Variants in TNPO2 observed in about 807,000 individuals in gnomAD.
The protein encoded by TNPO2 is transportin 2.
A neutral mutation model predicts 111.1 loss-of-function variants in TNPO2; 16 were observed. The ratio of observed to expected loss-of-function variants is 0.14; its 90% CI spans 0.10 to 0.22. The LOEUF is 0.22. Ranked by LOEUF, TNPO2 falls within the 10% of genes least tolerant of loss-of-function variation. TNPO2 has a pLI of 1.00. For missense variants in TNPO2, 530 were observed against 1,173.7 expected (o/e 0.45, Z 8.01); for synonymous variants, 481 against 475.8 (o/e 1.01, Z -0.14).
In TNPO2 at chr19:12,701,847, T is replaced by C; in HGVS notation, c.2416A>G (p.Thr806Ala). The change falls in exon 23 of 26, where the codon ACG becomes GCG. Residue 806 changes from threonine to alanine, a missense_variant. Coordinates refer to ENST00000425528, the MANE Select transcript of TNPO2 (RefSeq NM_001382241.1). The surrounding 1 kb of genome is among the most constrained non-coding windows in gnomAD (Gnocchi z 5.0). ...MLQQFIRPWC[T>A]SLRNIRDNEE... ...TTGTCCCTGATGTTCCTGAGGGACG[T>C]GCACCTGTGGGAAGGTGAGCAGCTG... The C allele has an allele frequency of 6.2e-7, 1 of 1,612,490 alleles. No individual in the cohort carries two copies. Among genetic ancestry groups the C allele is most frequent in the South Asian group, 1.1e-5 (1 of 91,060 alleles).
rs2025283617 is a variant in TNPO2, at chr19:12,701,320, C to T, written c.*20+6G>A. The stretch of plus-strand genomic sequence containing the variant: ...AGTGCTGACTTGCCAGCTGCAGTCT[C>T]CTTACCTGGCAGTCTCCATGATCAC... On this transcript the variant is annotated splice_donor_region_variant and intron_variant, in intron 25 of 25. Coordinates refer to ENST00000425528, the MANE Select transcript of TNPO2 (RefSeq NM_001382241.1). The surrounding 1 kb of genome is among the most constrained non-coding windows in gnomAD (Gnocchi z 5.0). 6.3e-7 allele frequency: 1 copy of T among 1,593,798 alleles called. No homozygotes were observed. Among genetic ancestry groups the T allele is most frequent in the African/African-American group, 1.3e-5 (1 of 74,334 alleles).
At position 12,700,743 on chromosome 19, in the gene TNPO2, G is replaced by A. The variant is rs908630248; in HGVS notation, c.*521C>T. ...ATGCAGGTTACACGGAAGGCCTTAC[G>A]GGTTAACTCAGGGGTTCACTAATTC... On this transcript the variant is annotated 3_prime_UTR_variant, in exon 26 of 26. Transcript: ENST00000425528. 4 of 150,408 alleles carry A rather than the reference G, an allele frequency of 2.7e-5. No individual in the cohort carries two copies. Among genetic ancestry groups the A allele is most frequent in the African/African-American group, 7.4e-5 (3 of 40,738 alleles). 9.3% of individuals were successfully genotyped at this position (150,408 alleles called of 1,614,324 possible).
At chr19:12,713,549 G>A (rs543517394) in intron 10 of TNPO2, among the ~76,000 whole-genome samples, 114 of 152,012 alleles carry the variant, frequency 7.5e-4, no homozygotes, top group African/African-American at 1.5e-3. Context: ...GGTGACTCAC[G>A]CCTGTAATCC....
In TNPO2 at chr19:12,706,493, A is replaced by G. The variant is rs2025677160; in HGVS notation, c.1496+77T>C. On this transcript the variant is annotated intron_variant, in intron 14 of 25. Transcript: ENST00000425528. The surrounding 1 kb of genome is among the most constrained non-coding windows in gnomAD (Gnocchi z 7.0). ...TACGCGATAAATCAGTTCCACATCA[A>G]CAGTCACAGGTGTCATCACTTCCCA... 1.9e-6 allele frequency: 3 copies of G among 1,575,240 alleles called. No individual in the cohort carries two copies. Among genetic ancestry groups the G allele is most frequent in the Non-Finnish European group, 2.6e-6 (3 of 1,145,640 alleles).
In TNPO2 at chr19:12,715,826, CTT is replaced by C; in HGVS notation, c.326-89_326-88del. 1 of 1,065,154 alleles carries C rather than the reference CTT, an allele frequency of 9.4e-7. No homozygotes were observed. Among genetic ancestry groups the C allele is most frequent in the Non-Finnish European group, 1.4e-6 (1 of 724,196 alleles). 66.0% of individuals were successfully genotyped at this position (1,065,154 alleles called of 1,614,324 possible). A position where few individuals can be genotyped will look rare whatever the true frequency, so the allele number is the denominator to read the frequency against. On this transcript the variant is annotated intron_variant, in intron 5 of 25. Transcript: ENST00000425528. This position sits in a 1 kb window ranked among gnomAD's most constrained non-coding sequence, Gnocchi z 7.1. ...TCCCACTGGACACCCCCAGTGCTGC[CTT>C]TCTGTTCCCTAGCCCATGTACGCCC...
In TNPO2 at chr19:12,715,865, C is replaced by G. The variant is rs1211209195; in HGVS notation, c.326-126G>C. The G allele has an allele frequency of 2.8e-6, 2 of 710,558 alleles. No homozygotes were observed. Among genetic ancestry groups the G allele is most frequent in the Middle Eastern group, 3.5e-4 (1 of 2,852 alleles). The allele number at this position is 710,558 out of a possible 1,614,324, so 44.0% of individuals were successfully genotyped here. On this transcript the variant is annotated intron_variant, in intron 5 of 25. Coordinates refer to ENST00000425528, the MANE Select transcript of TNPO2 (RefSeq NM_001382241.1). The surrounding 1 kb of genome is among the most constrained non-coding windows in gnomAD (Gnocchi z 7.1). ...GCCCATGTACGCCCTCTACATCCCC[C>G]CTCCTTTTTTTTTTCTTTGTAAGAG...
In TNPO2 at chr19:12,721,191, C is replaced by T; in HGVS notation, c.-13-201G>A. 1.4e-6 allele frequency: 2 copies of T among 1,382,486 alleles called. No individual in the cohort carries two copies. Among genetic ancestry groups the T allele is most frequent in the African/African-American group, 1.5e-5 (1 of 64,764 alleles). The allele number at this position is 1,382,486 out of a possible 1,614,324, so 85.6% of individuals were successfully genotyped here. On this transcript the variant is annotated intron_variant, in intron 2 of 25. Coordinates refer to ENST00000425528, the MANE Select transcript of TNPO2 (RefSeq NM_001382241.1). This position sits in a 1 kb window ranked among gnomAD's most constrained non-coding sequence, Gnocchi z 4.9. ...GGCCGCGCAGTCGCGGGCTCGGGAG[C>T]GCGGGAGGGGGGATGTGGAAACGGG... is the stretch of plus-strand genomic sequence containing the variant.
In TNPO2 at chr19:12,712,957, C is replaced by T. The variant is rs554949785; in HGVS notation, c.891-1344G>A. ...CTGGAGTGCACTGGTGCGATCACAG[C>T]TCACCACAGCCTCATGCTCCTGGGC... On this transcript the variant is annotated intron_variant, in intron 10 of 25. Transcript: ENST00000425528. Among the ~76,000 whole-genome samples, 146 of 152,316 alleles carry T rather than the reference C, an allele frequency of 9.6e-4. 1 individual carries two copies. The highest frequency in any genetic ancestry group is 3.3e-3 in the African/African-American group (139 of 41,578).
Position 12,705,997 on chromosome 19 carries a change from G to A in TNPO2, c.1668+199C>T. 1.7e-6 allele frequency: 1 copy of A among 596,130 alleles called. No homozygotes were observed. The highest frequency in any genetic ancestry group is 2.8e-6 in the Non-Finnish European group (1 of 356,552). The allele number at this position is 596,130 out of a possible 1,614,324, so 36.9% of individuals were successfully genotyped here. ...GGGTTACCACCTCCTGGTTCCCGAA[G>A]CACAGCACTTACCACGCTGTCTCAT... On this transcript the variant is annotated intron_variant, in intron 15 of 25. Coordinates refer to ENST00000425528, the MANE Select transcript of TNPO2 (RefSeq NM_001382241.1). This position sits in a 1 kb window ranked among gnomAD's most constrained non-coding sequence, Gnocchi z 7.2.
Position 12,720,963 on chromosome 19 carries a change from T to C in TNPO2, c.15A>G (p.Pro5=). The C allele has an allele frequency of 1.9e-6, 3 of 1,589,256 alleles. No individual in the cohort carries two copies. Residue 5 remains proline (P), a synonymous_variant, in exon 3 of 26, where the codon CCA becomes CCG. Transcript: ENST00000425528. MDWQ[P]DEQGLQQVLQ... ...GGACCTGCTGCAGGCCCTGCTCGTC[T>C]GGCTGCCAGTCCATGGCGCAAGGCA...
Position 12,719,283 on chromosome 19 carries a change from G to T in TNPO2, c.153C>A (p.Val51=). ...TACCTTCTGACTTGAGTCTGGTCAGGACGAAAATCAGGTAGTTGTTGAAGT... is the reference window on the plus strand; with the variant it reads ...TACCTTCTGACTTGAGTCTGGTCAGTACGAAAATCAGGTAGTTGTTGAAGT... ...FPDFNNYLIF[V]LTRLKSEDEP... Residue 51 remains valine, a synonymous_variant, in exon 4 of 26, where the codon GTC becomes GTA. Coordinates refer to ENST00000425528, the MANE Select transcript of TNPO2 (RefSeq NM_001382241.1). The surrounding 1 kb of genome is among the most constrained non-coding windows in gnomAD (Gnocchi z 5.0). 6.2e-7 allele frequency: 1 copy of T among 1,613,958 alleles called. No homozygotes were observed. Among genetic ancestry groups the T allele is most frequent in the Non-Finnish European group, 8.5e-7 (1 of 1,179,872 alleles).
chr19:12,722,111 C>T (rs1020915022), intron 2 of TNPO2: 1 of 145,940 alleles, frequency 6.9e-6, no homozygotes, highest in African/African-American at 2.5e-5. Context: ...CCAAGCCCCA[C>T]CGAAACAGGC....
Position 12,706,189 on chromosome 19 carries a change from G to A in TNPO2, c.1668+7C>T, listed in dbSNP as rs202211498. 3 of 1,613,038 alleles carry A rather than the reference G, an allele frequency of 1.9e-6. No homozygotes were observed. Among genetic ancestry groups the A allele is most frequent in the Non-Finnish European group, 2.5e-6 (3 of 1,179,584 alleles). ...ATCGGGAGGCGGGAGCCGCTCTGGG[G>A]TCTCACCGGCTGGTTGAGGTGGTGG... On this transcript the variant is annotated splice_region_variant and intron_variant, in intron 15 of 25. Transcript: ENST00000425528. This position sits in a 1 kb window ranked among gnomAD's most constrained non-coding sequence, Gnocchi z 7.0.
rs377133692 is a variant in TNPO2, at chr19:12,715,603, C to T, written c.432+30G>A. On this transcript the variant is annotated intron_variant, in intron 6 of 25. Transcript: ENST00000425528. The surrounding 1 kb of genome is among the most constrained non-coding windows in gnomAD (Gnocchi z 7.1). ...GTGGTGGTCCCAGCCCCCCAGTACT[C>T]GCTCTGGCCATCCATGGCTTCTTGC... 11 of 1,613,524 alleles carry T rather than the reference C, an allele frequency of 6.8e-6. No individual in the cohort carries two copies. The highest frequency in any genetic ancestry group is 4.4e-5 in the South Asian group (4 of 91,042).
intron 12 of TNPO2, 106 bp downstream of exon 12, chr19:12,711,190 G>T: frequency 6.8e-7 from 1 of 1,472,328 alleles, no homozygotes; most frequent in Non-Finnish European, 9.2e-7. Context: ...CACTGCGCCC[G>T]GCCACGATCA....
At chr19:12,703,167 C>A in intron 20 of TNPO2, 1 of 584,190 alleles carries the variant, frequency 1.7e-6, no homozygotes, top group East Asian at 2.8e-5. Flanking sequence ...CTGCCCAAGT[C>A]AAAGGAAAAA....
chr19:12,711,631 G>A lies in TNPO2; in HGVS notation c.891-18C>T, dbSNP rs754632255. On this transcript the variant is annotated intron_variant, in intron 10 of 25. Coordinates refer to ENST00000425528, the MANE Select transcript of TNPO2 (RefSeq NM_001382241.1). ...GGATCAACCTGCACAGAGAGGGACT[G>A]TTTATGGGGATGCAGGGGCCGTGGC... The A allele has an allele frequency of 6.2e-7, 1 of 1,611,604 alleles. No individual in the cohort carries two copies. The highest frequency in any genetic ancestry group is 1.1e-5 in the South Asian group (1 of 90,754).
chr19:12,709,608 A>AGGCACTTACCACCACGCC (rs1292302712), intron 13 of TNPO2, among the ~76,000 whole-genome samples: 1 of 149,202 alleles, frequency 6.7e-6, no homozygotes, highest in Non-Finnish European at 1.5e-5. Context: ...TTGGGACTAT[A>AGGCACTTACCACCACGCC]GGCACTTACC....
At chr19:12,720,019 T>C (rs1425272672) in intron 3 of TNPO2, among the ~76,000 whole-genome samples, 1 of 151,704 alleles carries the variant, frequency 6.6e-6, no homozygotes, top group East Asian at 1.9e-4. Flanking sequence ...GGTTTAAATA[T>C]TTATTTATTT....
Sources: gnomAD v4.1 joint callset for allele counts (sites outside exome capture counted in the v4.1 genomes callset) on GRCh38, gnomAD v4.1.1 for gene constraint, Gnocchi (gnomAD v3.1) non-coding constraint, MANE v1.5 for transcripts, NCBI Gene and HGNC (gene_info 2026-07-23, HGNC 2026-07-21) for gene names.